Variants in ADAMTSL1 observed in about 807,000 individuals in gnomAD.
ADAMTSL1 encodes ADAMTS like 1.
Under a neutral mutation model 201.8 loss-of-function variants are expected in ADAMTSL1, and 126 were observed. That is an observed-to-expected ratio of 0.62 (90% CI 0.54 to 0.72). The LOEUF is 0.72. Among genes scored for constraint, ADAMTSL1 ranks in the 30% least tolerant of loss-of-function variants. The pLI, the probability that ADAMTSL1 is intolerant of heterozygous loss-of-function variation, is 0.00. For missense variants in ADAMTSL1, 2,679 were observed against 2,277.8 expected (o/e 1.18, Z -3.59); for synonymous variants, 1,121 against 903.4 (o/e 1.24, Z -4.32).
chr9:17,960,846 T>C (rs147433869), intron 1 of ADAMTSL1, among the ~76,000 whole-genome samples: 89 of 152,318 alleles, frequency 5.8e-4, no homozygotes, highest in African/African-American at 2.1e-3. Context: ...GTGTCTGGCA[T>C]GTAGTAAATG....
intron 1 of ADAMTSL1, among the ~76,000 whole-genome samples, chr9:18,105,451 T>C (rs896165794): frequency 6.6e-6 from 1 of 152,216 alleles, no homozygotes; most frequent in Non-Finnish European, 1.5e-5. Context: ...TTTTACTTAA[T>C]ATTGCAAAAT....
At chr9:18,311,013 A>G (rs1834130758) in intron 2 of ADAMTSL1, among the ~76,000 whole-genome samples, 1 of 150,104 alleles carries the variant, frequency 6.7e-6, no homozygotes, top group South Asian at 2.1e-4. Context: ...ACCATGGAAT[A>G]CTATGCAGCC....
intron 1 of ADAMTSL1, among the ~76,000 whole-genome samples, chr9:18,099,576 C>T (rs1824424442): frequency 6.7e-6 from 1 of 148,362 alleles, no homozygotes; most frequent in African/African-American, 2.5e-5. Context: ...TACCTGTCTT[C>T]AATATTTGTC....
At chr9:18,720,684 G>T (rs1007123199) in intron 14 of ADAMTSL1, among the ~76,000 whole-genome samples, 6 of 152,216 alleles carry the variant, frequency 3.9e-5, no homozygotes, top group African/African-American at 1.4e-4. Flanking sequence ...TCGGGAGGCT[G>T]AGGCAGGAGA....
At chr9:18,252,906 C>T (rs964420109) in intron 2 of ADAMTSL1, among the ~76,000 whole-genome samples, 28 of 152,136 alleles carry the variant, frequency 1.8e-4, no homozygotes, top group South Asian at 4.1e-4. Context: ...GGAAAGCAAG[C>T]AGCAGGAGAT....
At position 18,272,514 on chromosome 9, in the gene ADAMTSL1, AC is replaced by A. The variant is rs1832416417; in HGVS notation, c.207+108535del. Reference sequence around the variant, plus strand: ...AAAACCATAAAAACCCTAGAAGAAAACCTAGGCAATACCATTCAGGACATAG... The same window carrying A: ...AAAACCATAAAAACCCTAGAAGAAAACTAGGCAATACCATTCAGGACATAG... On this transcript the variant is annotated intron_variant, in intron 2 of 29. Transcript: ENST00000680146. Among the ~76,000 whole-genome samples the A allele has an allele frequency of 2.0e-5, 3 of 152,216 alleles. No individual in the cohort carries two copies. The South Asian group carries it at 6.2e-4, about 32-fold the overall frequency.
intron 3 of ADAMTSL1, among the ~76,000 whole-genome samples, chr9:18,572,081 A>T (rs974606167): frequency 6.6e-6 from 1 of 152,004 alleles, no homozygotes; most frequent in South Asian, 2.1e-4. Context: ...TGTAATCCCA[A>T]CTGCTCAGAA....
At chr9:18,790,199 G>A (rs1275040080) in intron 19 of ADAMTSL1, among the ~76,000 whole-genome samples, 1 of 152,196 alleles carries the variant, frequency 6.6e-6, no homozygotes, top group Non-Finnish European at 1.5e-5. Context: ...ATCTTCGCAA[G>A]AACACTGTGA....
At chr9:18,714,948 G>A (rs1832832138) in intron 14 of ADAMTSL1, among the ~76,000 whole-genome samples, 1 of 144,902 alleles carries the variant, frequency 6.9e-6, no homozygotes, top group African/African-American at 2.5e-5. Context: ...TTCAATATAT[G>A]CAAATCAATA....
intron 21 of ADAMTSL1, among the ~76,000 whole-genome samples, chr9:18,818,093 G>A (rs972049814): frequency 6.6e-6 from 1 of 152,116 alleles, no homozygotes; most frequent in Non-Finnish European, 1.5e-5. Context: ...GCAGAATGAG[G>A]CCCAGCTACT....
intron 2 of ADAMTSL1, among the ~76,000 whole-genome samples, chr9:18,320,746 G>A (rs1168246594): frequency 2.0e-5 from 3 of 152,100 alleles, no homozygotes; most frequent in South Asian, 2.1e-4. Context: ...CTGTTGCAAA[G>A]TACCTCTATT....
At chr9:18,407,714 G>A (rs1818265261) in intron 2 of ADAMTSL1, among the ~76,000 whole-genome samples, 1 of 152,128 alleles carries the variant, frequency 6.6e-6, no homozygotes, top group South Asian at 2.1e-4. Context: ...AGAAGTGGAA[G>A]CTTATTGCAA....
chr9:18,809,108 CAG>C (rs1229916496), intron 20 of ADAMTSL1, among the ~76,000 whole-genome samples: 1 of 152,110 alleles, frequency 6.6e-6, no homozygotes. Flanking sequence ...AATGAAGTAG[CAG>C]GGGCTGGGGG....
At chr9:18,750,698 A>T (rs1263133905) in intron 15 of ADAMTSL1, among the ~76,000 whole-genome samples, 1 of 152,232 alleles carries the variant, frequency 6.6e-6, no homozygotes, top group African/African-American at 2.4e-5. Flanking sequence ...CAGTGACAAT[A>T]AACATTGATC....
intron 2 of ADAMTSL1, among the ~76,000 whole-genome samples, chr9:18,306,969 A>T (rs954482541): frequency 6.6e-6 from 1 of 152,226 alleles, no homozygotes; most frequent in Non-Finnish European, 1.5e-5. Flanking sequence ...CCACAAAGGG[A>T]AGCCCACCAG....
At chr9:18,609,350 G>A (rs982000678) in intron 4 of ADAMTSL1, among the ~76,000 whole-genome samples, 2 of 148,938 alleles carry the variant, frequency 1.3e-5, no homozygotes, top group African/African-American at 5.0e-5. Context: ...ATTTCTAACA[G>A]AACCCTACCA....
At chr9:18,159,239 T>C (rs1314635502) in intron 1 of ADAMTSL1, among the ~76,000 whole-genome samples, 3 of 152,164 alleles carry the variant, frequency 2.0e-5, no homozygotes, top group East Asian at 3.9e-4. Flanking sequence ...AGAGTCCTTT[T>C]GGTAGGAAAA....
chr9:18,719,442 G>A (rs1480943372), intron 14 of ADAMTSL1, among the ~76,000 whole-genome samples: 1 of 152,028 alleles, frequency 6.6e-6, no homozygotes, highest in African/African-American at 2.4e-5. Context: ...TCATCTCCCT[G>A]CAACCTTCAC....
chr9:18,290,581 A>G (rs141871155), intron 2 of ADAMTSL1, among the ~76,000 whole-genome samples: 69 of 152,086 alleles, frequency 4.5e-4, no homozygotes, highest in African/African-American at 1.6e-3. Flanking sequence ...GTAAAAGACC[A>G]CAACAGGATC....
Sources: gnomAD v4.1 joint callset for allele counts (sites outside exome capture counted in the v4.1 genomes callset) on GRCh38, gnomAD v4.1.1 for gene constraint, MANE v1.5 for transcripts, NCBI Gene and HGNC (gene_info 2026-07-23, HGNC 2026-07-21) for gene names.